EEF1AKMT1: variants seen among roughly 807,000 people sequenced by gnomAD.
EEF1AKMT1 encodes EEF1A lysine methyltransferase 1, also known as N-6 adenine-specific DNA methyltransferase 2 (putative).
EEF1AKMT1 carries 18 observed loss-of-function variants against 21.0 expected under a neutral mutation model. The ratio of observed to expected loss-of-function variants is 0.86; its 90% confidence interval spans 0.59 to 1.27. The LOEUF is 1.27. EEF1AKMT1 is among the 50% of genes most tolerant of loss of function. The probability of loss-of-function intolerance (pLI) is 0.00; values close to 1 mark genes in which losing one functional copy is unlikely to be tolerated. For synonymous variants in EEF1AKMT1, 109 were observed against 94.8 expected, an observed-to-expected ratio of 1.15 and a Z score of -0.87; for missense variants, 246 against 258.6, an observed-to-expected ratio of 0.95 and a Z score of 0.33.
intron 2 of EEF1AKMT1, among the ~76,000 whole-genome samples, chr13:20,745,340 T>C (rs772864961): frequency 2.0e-5 from 3 of 152,236 alleles, no homozygotes; most frequent in Non-Finnish European, 2.9e-5. Context: ...CATTTGTTTA[T>C]GTTCTCTCTT....
intron 2 of EEF1AKMT1, among the ~76,000 whole-genome samples, chr13:20,756,034 T>G (rs2058969672): frequency 6.6e-6 from 1 of 152,168 alleles, no homozygotes; most frequent in South Asian, 2.1e-4. Context: ...TTAGAATAAG[T>G]GGAACATGTG....
At chr13:20,767,395 A>G (rs1451766108) in intron 1 of EEF1AKMT1, among the ~76,000 whole-genome samples, 1 of 148,416 alleles carries the variant, frequency 6.7e-6, no homozygotes, top group African/African-American at 2.5e-5. Flanking sequence ...TCCTTGTAGT[A>G]TAATTCTGCT....
chr13:20,770,410 A>G (rs1254241312), intron 1 of EEF1AKMT1, among the ~76,000 whole-genome samples: 1 of 152,178 alleles, frequency 6.6e-6, no homozygotes, highest in Non-Finnish European at 1.5e-5. Flanking sequence ...AAATAATTTC[A>G]GTCAACACGG....
At chr13:20,734,362 G>C (rs528636685) in intron 3 of EEF1AKMT1, among the ~76,000 whole-genome samples, 1 of 152,266 alleles carries the variant, frequency 6.6e-6, no homozygotes, top group East Asian at 1.9e-4. Context: ...CAGAGAACCT[G>C]TGTTGAAAGC....
In EEF1AKMT1 at chr13:20,732,025, A is replaced by T; in HGVS notation, c.324T>A (p.Phe108Leu). Residue 108 changes from phenylalanine (F) to leucine (L), a missense_variant, in exon 4 of 5, where the codon TTT becomes TTA. By Grantham distance (22) the Phe-to-Leu change is conservative (BLOSUM62 0). Coordinates refer to ENST00000382758, the MANE Select transcript of EEF1AKMT1 (RefSeq NM_001318939.2). ...SIYIFEYDKR[F>L]AMYGEEFIFY... is the part of the protein sequence containing the mutation. ...AAATAAACTCCTCTCCATACATGGC[A>T]AATCTTTTGTCATATTCAAAGATGT... The T allele has an allele frequency of 1.2e-6, 2 of 1,614,262 alleles. No homozygotes were observed. The highest frequency in any genetic ancestry group is 2.7e-5 in the African/African-American group (2 of 75,076).
chr13:20,750,347 C>T (rs1456115321), intron 2 of EEF1AKMT1, among the ~76,000 whole-genome samples: 2 of 152,102 alleles, frequency 1.3e-5, no homozygotes, highest in African/African-American at 2.4e-5. Context: ...CTTTTCATCA[C>T]CCCCACCCCA....
At chr13:20,766,801 G>A (rs567630346) in intron 1 of EEF1AKMT1, among the ~76,000 whole-genome samples, 7 of 151,702 alleles carry the variant, frequency 4.6e-5, no homozygotes, top group African/African-American at 7.3e-5. Context: ...CAGCCTGGGC[G>A]ACAGAGCAAG....
At chr13:20,747,951 C>T (rs1163950596) in intron 2 of EEF1AKMT1, 3 of 224,430 alleles carry the variant, frequency 1.3e-5, no homozygotes, top group South Asian at 8.4e-5. Flanking sequence ...TAGCTATGTA[C>T]GTCTCAAATT....
intron 1 of EEF1AKMT1, chr13:20,773,720 A>G (rs2059075118): frequency 6.6e-6 from 1 of 152,510 alleles, no homozygotes; most frequent in South Asian, 2.1e-4. Flanking sequence ...ACAGCGCCTA[A>G]CACAGCAACC....
intron 4 of EEF1AKMT1, among the ~76,000 whole-genome samples, chr13:20,729,987 G>A (rs2058782938): frequency 6.6e-6 from 1 of 152,190 alleles, no homozygotes; most frequent in Admixed American, 6.5e-5. Flanking sequence ...CAATGCCCAC[G>A]GTCCCCTGTT....
At chr13:20,766,000 A>G (rs916056585) in intron 1 of EEF1AKMT1, among the ~76,000 whole-genome samples, 24 of 152,134 alleles carry the variant, frequency 1.6e-4, no homozygotes, top group African/African-American at 5.5e-4. Context: ...GATGCTCAAA[A>G]TAGAAATATG....
At chr13:20,760,188 T>A (rs1232500759) in intron 1 of EEF1AKMT1, among the ~76,000 whole-genome samples, 1 of 150,714 alleles carries the variant, frequency 6.6e-6, no homozygotes, top group East Asian at 1.9e-4. Flanking sequence ...ACTGCGGGTA[T>A]GAATGTAAGT....
At chr13:20,761,547 T>C (rs2059001639) in intron 1 of EEF1AKMT1, among the ~76,000 whole-genome samples, 1 of 152,240 alleles carries the variant, frequency 6.6e-6, no homozygotes, top group Non-Finnish European at 1.5e-5. Flanking sequence ...TATAGGAATT[T>C]TCATTTTCAT....
intron 1 of EEF1AKMT1, among the ~76,000 whole-genome samples, chr13:20,773,445 G>A (rs2059073240): frequency 6.6e-6 from 1 of 152,212 alleles, no homozygotes; most frequent in African/African-American, 2.4e-5. Flanking sequence ...AGAAGCCCCA[G>A]CGACAGGCGC....
intron 1 of EEF1AKMT1, among the ~76,000 whole-genome samples, chr13:20,758,363 A>C (rs1238662889): frequency 6.6e-6 from 1 of 152,224 alleles, no homozygotes; most frequent in East Asian, 1.9e-4. Flanking sequence ...ATGACCAGGA[A>C]GCCCTCCACT....
chr13:20,767,904 T>C (rs1305039175), intron 1 of EEF1AKMT1, among the ~76,000 whole-genome samples: 3 of 152,222 alleles, frequency 2.0e-5, no homozygotes, highest in African/African-American at 7.2e-5. Flanking sequence ...TATTCTTCTA[T>C]GTCTAATCTA....
rs60730051 is a variant in EEF1AKMT1, at chr13:20,747,462, C to CTTTTTTTTTTTTTTTTTTTTTTTT, written c.145-9658_145-9657insAAAAAAAAAAAAAAAAAAAAAAAA. ...GATCTCTGTGCCAGTTAGGCACATTCTTTTTTTTTTTTTTTTTTTTTGAGA... is the reference window on the plus strand; with the variant it reads ...GATCTCTGTGCCAGTTAGGCACATTCTTTTTTTTTTTTTTTTTTTTTTTTTTTTTTTTTTTTTTTTTTTTTGAGA... On this transcript the variant is annotated intron_variant, in intron 2 of 4. Coordinates refer to ENST00000382758, the MANE Select transcript of EEF1AKMT1 (RefSeq NM_001318939.2). The CTTTTTTTTTTTTTTTTTTTTTTTT allele has an allele frequency of 2.3e-4, 20 of 87,652 alleles. 3 individuals carry two copies. The highest frequency in any genetic ancestry group is 5.8e-4 in the African/African-American group (11 of 19,068). The allele number at this position is 87,652 out of a possible 1,614,324, so 5.4% of individuals were successfully genotyped here. A position where few individuals can be genotyped will look rare whatever the true frequency, so the allele number is the denominator to read the frequency against.
chr13:20,744,496 G>A (rs867494565), intron 2 of EEF1AKMT1, among the ~76,000 whole-genome samples: 36 of 152,290 alleles, frequency 2.4e-4, no homozygotes, highest in African/African-American at 7.7e-4. Flanking sequence ...CTTTCGAGAA[G>A]TGTCTGTTCA....
intron 3 of EEF1AKMT1, among the ~76,000 whole-genome samples, chr13:20,733,205 C>T (rs1236071870): frequency 2.0e-5 from 3 of 150,844 alleles, no homozygotes; most frequent in Non-Finnish European, 4.4e-5. Flanking sequence ...AAGCGATTCT[C>T]CTGCCTCAGC....
Sources: gnomAD v4.1 joint callset for allele counts (sites outside exome capture counted in the v4.1 genomes callset) on GRCh38, gnomAD v4.1.1 for gene constraint, MANE v1.5 for transcripts, NCBI Gene and HGNC (gene_info 2026-07-23, HGNC 2026-07-21) for gene names.